Variants in MARK3 observed in about 807,000 individuals in gnomAD.
The protein encoded by MARK3 is microtubule affinity regulating kinase 3.
MARK3 carries 46 observed loss-of-function variants against 90.1 expected under a neutral mutation model. The ratio of observed to expected loss-of-function variants is 0.51; its 90% CI spans 0.40 to 0.65. The LOEUF (loss-of-function observed/expected upper bound fraction) is 0.65, where lower values mean the gene tolerates loss of function less well. Ranked by LOEUF, MARK3 falls within the 30% of genes least tolerant of loss-of-function variation. The probability of loss-of-function intolerance (pLI) is 0.00; values close to 1 mark genes in which losing one functional copy is unlikely to be tolerated. For synonymous variants in MARK3, 321 were observed against 332.6 expected (o/e 0.97, Z 0.38); for missense variants, 818 against 947.2 (o/e 0.86, Z 1.79).
rs922623793 is a variant in MARK3 at position 103,414,806 on chromosome 14, C to T, written c.243+9539C>T. Among the ~76,000 whole-genome samples, 4 of 152,096 alleles carry T rather than the reference C, an allele frequency of 2.6e-5. No individual in the cohort carries two copies. The East Asian group carries it at 7.7e-4, about 29-fold the overall frequency. Reference sequence around the variant, plus strand: ...GGGAGTAGGGACAATCTATATCATGCATTTAAGTCACAAGGATGTCGTGAA... The same window carrying T: ...GGGAGTAGGGACAATCTATATCATGTATTTAAGTCACAAGGATGTCGTGAA... On this transcript the variant is annotated intron_variant, in intron 2 of 17. Coordinates refer to ENST00000429436, the MANE Select transcript of MARK3 (RefSeq NM_001128918.3).
rs141012326 is a variant in MARK3, at chr14:103,408,469, G to A, written c.243+3202G>A. On this transcript the variant is annotated intron_variant, in intron 2 of 17. Transcript: ENST00000429436. ...CTCCCAGAGTGCTGGGATTACAGGCGTGAGCCACCATGCCTGGCCTGAATG... is the reference window on the plus strand; with the variant it reads ...CTCCCAGAGTGCTGGGATTACAGGCATGAGCCACCATGCCTGGCCTGAATG... 3.0e-3 allele frequency among the ~76,000 whole-genome samples: 463 copies of A among 152,294 alleles called. 1 individual carries two copies. Among genetic ancestry groups the A allele is most frequent in the East Asian group, 0.01 (53 of 5,182 alleles).
At chr14:103,440,835 TG>T (rs1479078465) in intron 3 of MARK3, among the ~76,000 whole-genome samples, 1 of 150,070 alleles carries the variant, frequency 6.7e-6, no homozygotes, top group East Asian at 2.0e-4. Context: ...CTCAGATAAT[TG>T]GGAGGCTGAG....
chr14:103,451,648 G>A (rs1403524232), intron 4 of MARK3, among the ~76,000 whole-genome samples: 1 of 152,214 alleles, frequency 6.6e-6, no homozygotes, highest in African/African-American at 2.4e-5. Flanking sequence ...CAGAGGAAGT[G>A]AGCTCAGGTA....
At chr14:103,439,083 A>G (rs192198952) in intron 3 of MARK3, among the ~76,000 whole-genome samples, 302 of 152,188 alleles carry the variant, frequency 2.0e-3, no homozygotes, top group Admixed American at 3.5e-3. Flanking sequence ...AAGCTAAGCA[A>G]TTTTTTAAAA....
At chr14:103,401,893 C>T (rs1446320002) in intron 1 of MARK3, among the ~76,000 whole-genome samples, 1 of 152,124 alleles carries the variant, frequency 6.6e-6, no homozygotes, top group Admixed American at 6.6e-5. Context: ...ACAGATGATA[C>T]AAACTCAGTA....
chr14:103,462,572 C>T, intron 7 of MARK3, 111 bp downstream of exon 7: 1 of 625,112 alleles, frequency 1.6e-6, no homozygotes, highest in East Asian at 2.9e-5. Context: ...TTTTTAAAAT[C>T]CCACAATAAT....
In MARK3 at chr14:103,385,896, A is replaced by G. The variant is rs2089746439; in HGVS notation, c.-134A>G. ...CCAGGCCCGGGATCTAGACGGCCGT[A>G]GGGGGAAGGGAGCCGCCCTCCCCAC... is the stretch of plus-strand genomic sequence containing the variant. On this transcript the variant is annotated 5_prime_UTR_variant, in exon 1 of 18. Transcript: ENST00000429436. The G allele has an allele frequency of 2.9e-6, 2 of 691,832 alleles. No individual in the cohort carries two copies. The highest frequency in any genetic ancestry group is 2.1e-5 in the Admixed American group (1 of 46,572). The allele number at this position is 691,832 out of a possible 1,614,324, so 42.9% of individuals were successfully genotyped here.
At chr14:103,474,161 C>T (rs940472709) in intron 12 of MARK3, among the ~76,000 whole-genome samples, 5 of 152,010 alleles carry the variant, frequency 3.3e-5, no homozygotes, top group African/African-American at 7.2e-5. Flanking sequence ...GCCGCGATTG[C>T]GCCACTGCAC....
At chr14:103,489,879 TC>T (rs1043585172) in intron 14 of MARK3, 2 of 152,184 alleles carry the variant, frequency 1.3e-5, no homozygotes, top group Non-Finnish European at 2.9e-5. Context: ...ACTGCAGACT[TC>T]CAGCCACTCT....
intron 12 of MARK3, among the ~76,000 whole-genome samples, chr14:103,468,414 T>G (rs2093559889): frequency 7.8e-6 from 1 of 128,926 alleles, no homozygotes; most frequent in Non-Finnish European, 1.6e-5. Flanking sequence ...AACCTCCACC[T>G]CCCAGGTTCA....
At chr14:103,463,829 C>T (rs777913711) in intron 7 of MARK3, among the ~76,000 whole-genome samples, 2 of 152,178 alleles carry the variant, frequency 1.3e-5, no homozygotes, top group Admixed American at 1.3e-4. Context: ...ATTGCTCTTA[C>T]GATGAAAACC....
intron 16 of MARK3, chr14:103,499,449 C>T (rs1243188990): frequency 6.6e-6 from 1 of 152,132 alleles, no homozygotes; most frequent in Non-Finnish European, 1.5e-5. Flanking sequence ...GAGTGAGACC[C>T]TGCCTCAAAA....
intron 4 of MARK3, among the ~76,000 whole-genome samples, chr14:103,449,369 A>C (rs1202406092): frequency 2.0e-5 from 3 of 148,196 alleles, no homozygotes; most frequent in Non-Finnish European, 4.5e-5. Flanking sequence ...GGAGGTCAGG[A>C]GCTCAAGACC....
chr14:103,488,801 C>T (rs1297665912), intron 14 of MARK3, among the ~76,000 whole-genome samples: 2 of 152,220 alleles, frequency 1.3e-5, no homozygotes, highest in Admixed American at 6.5e-5. Flanking sequence ...AGTGCCACTG[C>T]ACTCTAGCCT....
rs1269510934 is a variant in MARK3, at chr14:103,480,399, T to G, written c.1495T>G (p.Ser499Ala). 3 of 1,609,990 alleles carry G rather than the reference T, an allele frequency of 1.9e-6. No individual in the cohort carries two copies. The African/African-American group carries it at 4.0e-5, about 22-fold the overall frequency. ...CCCTTTTTTATAGAGTAACACAGCA[T>G]CTGGTGGAATGACACGACGAAATAC... ...SSTVPSSNTA[S>A]GGMTRRNTYV... The change falls in exon 14 of 18, where the codon TCT becomes GCT. Residue 499 changes from serine to alanine, a missense_variant. Ser to Ala is a moderately conservative substitution (Grantham distance 99). Transcript: ENST00000429436.
At position 103,480,436 on chromosome 14, in the gene MARK3, G is replaced by A. The variant is rs1160383537; in HGVS notation, c.1532G>A (p.Ser511Asn). 5 of 1,613,654 alleles carry A rather than the reference G, an allele frequency of 3.1e-6. No homozygotes were observed. The highest frequency in any genetic ancestry group is 4.2e-6 in the Non-Finnish European group (5 of 1,179,770). The change falls in exon 14 of 18, where the codon AGT (serine) becomes AAT (asparagine). Residue 511 changes from serine (S) to asparagine (N), a missense_variant. Physicochemically the swap from Ser to Asn is conservative, Grantham distance 46 (BLOSUM62 1). This residue lies in a region of MARK3 where 560 missense variants were observed against 613.5 expected (regional missense o/e 0.91). Coordinates refer to ENST00000429436, the MANE Select transcript of MARK3 (RefSeq NM_001128918.3). Reference protein sequence around the residue: ...GMTRRNTYVCSERTTADRHSV... With the variant: ...GMTRRNTYVCNERTTADRHSV... ...ACACGACGAAATACTTATGTTTGCAGTGAGAGAACTACAGCTGATAGACAC... is the reference window on the plus strand; with the variant it reads ...ACACGACGAAATACTTATGTTTGCAATGAGAGAACTACAGCTGATAGACAC...
At chr14:103,404,091 T>TAG (rs2091130018) in intron 1 of MARK3, among the ~76,000 whole-genome samples, 1 of 152,160 alleles carries the variant, frequency 6.6e-6, no homozygotes, top group Non-Finnish European at 1.5e-5. Flanking sequence ...AATTCAGAGG[T>TAG]AGATGGCGCA....
intron 15 of MARK3, among the ~76,000 whole-genome samples, chr14:103,495,564 A>G (rs963285373): frequency 1.3e-5 from 2 of 152,142 alleles, no homozygotes; most frequent in African/African-American, 4.8e-5. Flanking sequence ...CCCTTTAGAA[A>G]AAACAGTTGC....
At chr14:103,494,885 G>A (rs944466243) in intron 15 of MARK3, among the ~76,000 whole-genome samples, 2 of 152,014 alleles carry the variant, frequency 1.3e-5, no homozygotes, top group Non-Finnish European at 2.9e-5. Flanking sequence ...GATCCACCGC[G>A]CCCAGCCAAA....
Sources: allele counts gnomAD v4.1 joint callset (sites outside exome capture counted in the v4.1 genomes callset), GRCh38; gene constraint gnomAD v4.1.1; regional missense constraint gnomAD v4.1.1; transcripts MANE v1.5; gene names NCBI Gene and HGNC (gene_info 2026-07-23, HGNC 2026-07-21).